ATG16L2: variants seen among roughly 807,000 people sequenced by gnomAD.
ATG16L2 encodes protein Atg16l2.
ATG16L2 carries 77 observed loss-of-function variants against 84.7 expected under a neutral mutation model. That is an observed-to-expected ratio of 0.91 (90% confidence interval 0.76 to 1.10). The LOEUF (loss-of-function observed/expected upper bound fraction) is 1.10, where lower values mean the gene tolerates loss of function less well. Ranked by LOEUF, ATG16L2 falls within the 50% of genes least tolerant of loss-of-function variation. The pLI, the probability that ATG16L2 is intolerant of heterozygous loss-of-function variation, is 0.00. For missense variants in ATG16L2, 782 were observed against 817.6 expected, an observed-to-expected ratio of 0.96 and a Z score of 0.53; for synonymous variants, 361 against 342.8, an observed-to-expected ratio of 1.05 and a Z score of -0.59.
At chr11:72,840,005 G>A (rs765027262) in intron 5 of ATG16L2, among the ~76,000 whole-genome samples, 20 of 152,204 alleles carry the variant, frequency 1.3e-4, no homozygotes, top group Middle Eastern at 3.2e-3. Context: ...CAAATGTAGA[G>A]AAGCACATCA....
At chr11:72,841,545 T>TGGAGGCAG in intron 5 of ATG16L2, 2 of 1,610,976 alleles carry the variant, frequency 1.2e-6, no homozygotes, top group Non-Finnish European at 1.7e-6. Context: ...ACAACGGCAG[T>TGGAGGCAG]GGAGGCAGGG....
At chr11:72,824,328 G>A (rs1860203679) in intron 8 of ATG16L2, 1 of 623,840 alleles carries the variant, frequency 1.6e-6, no homozygotes, top group Non-Finnish European at 2.8e-6. Flanking sequence ...GTCCTCACAA[G>A]GGTCTGTCTT....
chr11:72,837,764 G>A (rs955404176), intron 5 of ATG16L2: 1 of 152,266 alleles, frequency 6.6e-6, no homozygotes, highest in Non-Finnish European at 1.5e-5. Context: ...GGAAATGTCA[G>A]GGTAGTGGGA....
intron 5 of ATG16L2, chr11:72,837,399 G>C (rs1860761594): frequency 6.6e-6 from 1 of 151,664 alleles, no homozygotes; most frequent in South Asian, 2.1e-4. Flanking sequence ...TCTTAGGAGG[G>C]ATGGAGTTTT....
At chr11:72,825,559 G>T in intron 10 of ATG16L2, 152 bp downstream of exon 10, 1 of 662,478 alleles carries the variant, frequency 1.5e-6, no homozygotes, top group Non-Finnish European at 2.6e-6. Context: ...TGGAAAGAGT[G>T]AGACTCTGGG....
At chr11:72,841,002 G>T (rs748755228) in intron 5 of ATG16L2, 2 of 1,438,516 alleles carry the variant, frequency 1.4e-6, no homozygotes, top group Non-Finnish European at 2.0e-6. Context: ...TTGAGTTGTT[G>T]AGCAATAATG....
chr11:72,830,565 G>A (rs990185117), downstream of ATG16L2, among the ~76,000 whole-genome samples: 1 of 152,116 alleles, frequency 6.6e-6, no homozygotes, highest in Non-Finnish European at 1.5e-5. Context: ...AAACCCCTGG[G>A]TTTAAGCAAT....
chr11:72,830,286 C>T (rs1860577758), downstream of ATG16L2, among the ~76,000 whole-genome samples: 5 of 152,290 alleles, frequency 3.3e-5, no homozygotes, highest in South Asian at 1.0e-3. Flanking sequence ...TGCTGACTCC[C>T]AGACCACTCA....
intron 5 of ATG16L2, chr11:72,841,677 T>TA: frequency 1.5e-6 from 2 of 1,298,446 alleles, no homozygotes; most frequent in Non-Finnish European, 2.1e-6. Flanking sequence ...GCCTTTTCTC[T>TA]AAAGCTAAGC....
At chr11:72,831,370 G>T (rs920935797), downstream of ATG16L2, among the ~76,000 whole-genome samples, 6 of 152,196 alleles carry the variant, frequency 3.9e-5, no homozygotes, top group Non-Finnish European at 8.8e-5. Flanking sequence ...GTTGGGCATG[G>T]TGGCACATGC....
At chr11:72,834,365 T>C (rs1860671440), downstream of ATG16L2, among the ~76,000 whole-genome samples, 1 of 152,164 alleles carries the variant, frequency 6.6e-6, no homozygotes, top group African/African-American at 2.4e-5. Context: ...GGGATGCAGT[T>C]GCAATCTAGA....
At position 72,829,457 on chromosome 11, in the gene ATG16L2, A is replaced by AGGGGTT; in HGVS notation, c.*77_*82dup. On this transcript the variant is annotated 3_prime_UTR_variant, in exon 18 of 18. Coordinates refer to ENST00000321297, the MANE Select transcript of ATG16L2 (RefSeq NM_033388.2). ...CCTGAAGCTTCCTTCGGCGCCATGC[A>AGGGGTT]GGGGTTGGGGTTGGGACTGGAGCTG... is the stretch of plus-strand genomic sequence containing the variant. The AGGGGTT allele has an allele frequency of 6.4e-7, 1 of 1,568,440 alleles. No individual in the cohort carries two copies. Among genetic ancestry groups the AGGGGTT allele is most frequent in the Non-Finnish European group, 8.7e-7 (1 of 1,155,774 alleles).
chr11:72,814,414 A>G lies in ATG16L2; in HGVS notation c.-32A>G, dbSNP rs1859582308. ...CCGGCCTGGCGCCGTCCTGGGCGGG[A>G]GGAACGCGCCGCTAGGCGGGAGAGC... On this transcript the variant is annotated 5_prime_UTR_variant, in exon 1 of 18. Coordinates refer to ENST00000321297, the MANE Select transcript of ATG16L2 (RefSeq NM_033388.2). The G allele has an allele frequency of 7.3e-7, 1 of 1,369,780 alleles. No individual in the cohort carries two copies. The highest frequency in any genetic ancestry group is 9.6e-7 in the Non-Finnish European group (1 of 1,044,976). 84.9% of individuals were successfully genotyped at this position (1,369,780 alleles called of 1,614,324 possible). A position where few individuals can be genotyped will look rare whatever the true frequency, so the allele number is the denominator to read the frequency against.
In ATG16L2 at chr11:72,822,735, AC is replaced by A. The variant is rs1369937637; in HGVS notation, c.711-110del. On this transcript the variant is annotated intron_variant, in intron 6 of 17. Coordinates refer to ENST00000321297, the MANE Select transcript of ATG16L2 (RefSeq NM_033388.2). The surrounding 1 kb of genome is among the most constrained non-coding windows in gnomAD (Gnocchi z 4.2). ...GCATGCGTGACCGCTGCACGTGTAC[AC>A]CCACACAGAACCCTCATCACTGGGA... The A allele has an allele frequency of 7.8e-6, 8 of 1,019,384 alleles. No homozygotes were observed. Among genetic ancestry groups the A allele is most frequent in the African/African-American group, 1.6e-5 (1 of 61,170 alleles). The allele number at this position is 1,019,384 out of a possible 1,614,324, so 63.1% of individuals were successfully genotyped here.
In ATG16L2 at chr11:72,822,365, G is replaced by A. The variant is rs1056965704; in HGVS notation, c.644+70G>A. On this transcript the variant is annotated intron_variant, in intron 5 of 17. Coordinates refer to ENST00000321297, the MANE Select transcript of ATG16L2 (RefSeq NM_033388.2). This position sits in a 1 kb window ranked among gnomAD's most constrained non-coding sequence, Gnocchi z 4.2. ...TGCAGGGAGGAGTCGGGCCTCGCCGGTGTCTGGAAGGGAGGGGGGCAGCAG... is the reference window on the plus strand; with the variant it reads ...TGCAGGGAGGAGTCGGGCCTCGCCGATGTCTGGAAGGGAGGGGGGCAGCAG... The A allele has an allele frequency of 6.4e-7, 1 of 1,567,464 alleles. No homozygotes were observed. Among genetic ancestry groups the A allele is most frequent in the East Asian group, 2.4e-5 (1 of 42,190 alleles).
chr11:72,838,946 A>C, intron 5 of ATG16L2: 6 of 1,383,612 alleles, frequency 4.3e-6, no homozygotes, highest in Non-Finnish European at 6.1e-6. Context: ...CCAAAACCTA[A>C]TCACTCATCT....
chr11:72,822,308 GC>G lies in ATG16L2; in HGVS notation c.644+17del. On this transcript the variant is annotated intron_variant, in intron 5 of 17. Coordinates refer to ENST00000321297, the MANE Select transcript of ATG16L2 (RefSeq NM_033388.2). This position sits in a 1 kb window ranked among gnomAD's most constrained non-coding sequence, Gnocchi z 4.2. ...AGCGCCGGGAGCGGTGAGGGAGCAG[GC>G]CCCGCCCCTCCTGAGGAAAGGCCCC... The G allele has an allele frequency of 6.6e-7, 1 of 1,518,626 alleles. No homozygotes were observed. The highest frequency in any genetic ancestry group is 2.5e-5 in the East Asian group (1 of 40,300). 94.1% of individuals were successfully genotyped at this position (1,518,626 alleles called of 1,614,324 possible).
At chr11:72,815,309 C>T (rs1565257508) in intron 1 of ATG16L2, among the ~76,000 whole-genome samples, 1 of 152,244 alleles carries the variant, frequency 6.6e-6, no homozygotes, top group Admixed American at 6.5e-5. Flanking sequence ...GGCTCTCTCA[C>T]TGGGGCTAAT....
chr11:72,828,724 C>T lies in ATG16L2; in HGVS notation c.1623-5C>T, dbSNP rs766768817. On this transcript the variant is annotated splice_polypyrimidine_tract_variant and splice_region_variant and intron_variant, in intron 15 of 17. Transcript: ENST00000321297. ...TGTTCTGACCCCAGCCCTGTCTGTC[C>T]TCAGGGCCGATGGCTTCAAGTGTGG... The T allele has an allele frequency of 2.8e-5, 46 of 1,614,068 alleles. No individual in the cohort carries two copies. The Admixed American group carries it at 4.0e-4, about 14-fold the overall frequency.
Sources: allele counts gnomAD v4.1 joint callset (sites outside exome capture counted in the v4.1 genomes callset), GRCh38; gene constraint gnomAD v4.1.1; non-coding constraint Gnocchi (gnomAD v3.1); transcripts MANE v1.5; gene names NCBI Gene and HGNC (gene_info 2026-07-23, HGNC 2026-07-21).